UNC13C: variants seen among roughly 807,000 people sequenced by gnomAD.
UNC13C encodes the protein unc-13 homolog C.
UNC13C carries 174 observed loss-of-function variants against 245.4 expected under a neutral mutation model. The ratio of observed to expected loss-of-function variants is 0.71; its 90% confidence interval spans 0.63 to 0.80. The LOEUF (loss-of-function observed/expected upper bound fraction) is 0.80. Among genes scored for constraint, UNC13C ranks in the 30% least tolerant of loss-of-function variants. The probability of loss-of-function intolerance (pLI) is 0.00; values close to 1 mark genes in which losing one functional copy is unlikely to be tolerated. For synonymous variants in UNC13C, 992 were observed against 895.1 expected, an observed-to-expected ratio of 1.11 and a Z score of -1.93; for missense variants, 2,829 against 2,602.9, an observed-to-expected ratio of 1.09 and a Z score of -1.89.
the UNC13C span, among the ~76,000 whole-genome samples, chr15:53,964,070 G>A: frequency 1.3e-5 from 2 of 151,944 alleles, no homozygotes; most frequent in East Asian, 3.9e-4. Context: ...TTTTTTTCCA[G>A]CTTGAAACAT....
chr15:54,462,888 A>T (rs1891933410), intron 19 of UNC13C, among the ~76,000 whole-genome samples: 1 of 152,132 alleles, frequency 6.6e-6, no homozygotes, highest in African/African-American at 2.4e-5. Context: ...CTGGCATGGG[A>T]TCCACAAGAC....
At chr15:53,979,331 C>T (rs12912367) in intron 1 of UNC13C, among the ~76,000 whole-genome samples, 5,201 of 152,304 alleles carry the variant, frequency 0.034, 127 homozygotes, top group Middle Eastern at 0.082. Flanking sequence ...GCCAAGATGT[C>T]ATACACTAGT....
intron 19 of UNC13C, among the ~76,000 whole-genome samples, chr15:54,478,313 T>A (rs12899225): frequency 0.18 from 16,753 of 91,964 alleles, 2,065 homozygotes; most frequent in East Asian, 0.33. Flanking sequence ...TATTTCCTTC[T>A]GTTCTGCTCT....
the UNC13C span, among the ~76,000 whole-genome samples, chr15:53,946,507 G>A: frequency 6.7e-6 from 1 of 149,528 alleles, no homozygotes; most frequent in South Asian, 2.1e-4. Flanking sequence ...GATCACCTGA[G>A]GTCAGGAGTT....
intron 19 of UNC13C, among the ~76,000 whole-genome samples, chr15:54,476,629 C>T (rs183320706): frequency 0.011 from 1,691 of 151,860 alleles, 7 homozygotes; most frequent in Non-Finnish European, 0.019. Context: ...AGATATGCAG[C>T]GTTGTTTCTG....
rs1265130591 is a variant in UNC13C at position 54,181,481 on chromosome 15, TTTTG to T, written c.3071+37805_3071+37808del. On this transcript the variant is annotated intron_variant, in intron 4 of 32. Coordinates refer to ENST00000260323, the MANE Select transcript of UNC13C (RefSeq NM_001080534.3). ...TTTGTTTGTTTTGTTTTGTTTTGTT[TTTTG>T]TTTGTTTTTGTTTTTTCTTCTTAGG... Among the ~76,000 whole-genome samples, 10 of 147,536 alleles carry T rather than the reference TTTTG, an allele frequency of 6.8e-5. No individual in the cohort carries two copies. In the East Asian group the frequency reaches 7.9e-4, roughly 12 times the overall value.
intron 4 of UNC13C, among the ~76,000 whole-genome samples, chr15:54,185,544 T>C (rs1382580078): frequency 6.6e-6 from 1 of 151,054 alleles, no homozygotes; most frequent in Non-Finnish European, 1.5e-5. Flanking sequence ...TCCCCATTGC[T>C]TGTTTTTGTC....
At chr15:54,302,863 T>C (rs1043309132) in intron 13 of UNC13C, among the ~76,000 whole-genome samples, 4 of 152,168 alleles carry the variant, frequency 2.6e-5, no homozygotes, top group African/African-American at 9.7e-5. Flanking sequence ...ATAGATTCAA[T>C]GCTATCAGTG....
the UNC13C span, among the ~76,000 whole-genome samples, chr15:53,841,115 G>C: frequency 1.3e-5 from 2 of 152,002 alleles, no homozygotes; most frequent in African/African-American, 4.8e-5. Context: ...TGTGTGCCAC[G>C]CAATTCATAT....
At chr15:54,125,567 C>T (rs970442109) in intron 2 of UNC13C, among the ~76,000 whole-genome samples, 1 of 152,094 alleles carries the variant, frequency 6.6e-6, no homozygotes, top group African/African-American at 2.4e-5. Flanking sequence ...TTTTCCAATT[C>T]ACAAACGTGG....
chr15:53,860,646 A>G, the UNC13C span, among the ~76,000 whole-genome samples: 1 of 152,158 alleles, frequency 6.6e-6, no homozygotes, highest in Non-Finnish European at 1.5e-5. Flanking sequence ...TCTCCAAGTT[A>G]AACATTCCTA....
chr15:54,408,093 C>T (rs540346149), intron 18 of UNC13C, among the ~76,000 whole-genome samples: 7 of 145,896 alleles, frequency 4.8e-5, no homozygotes, highest in Non-Finnish European at 1.0e-4. Flanking sequence ...CCCAGCTACT[C>T]GGGAGGCTGA....
At chr15:54,393,673 C>T (rs1475019650) in intron 18 of UNC13C, among the ~76,000 whole-genome samples, 1 of 151,810 alleles carries the variant, frequency 6.6e-6, no homozygotes, top group Non-Finnish European at 1.5e-5. Context: ...ATCTAAAGTT[C>T]ATGCCTCTAA....
chr15:54,448,897 T>G (rs1427160751), intron 19 of UNC13C, among the ~76,000 whole-genome samples: 2 of 152,224 alleles, frequency 1.3e-5, no homozygotes, highest in East Asian at 1.9e-4. Context: ...TGACATGTTT[T>G]TGCAGTGGCT....
intron 10 of UNC13C, among the ~76,000 whole-genome samples, chr15:54,281,006 C>T (rs1468651810): frequency 6.6e-6 from 1 of 151,858 alleles, no homozygotes; most frequent in Non-Finnish European, 1.5e-5. Flanking sequence ...CCATGTTGGC[C>T]AGGCTGTTCT....
chr15:54,217,724 G>A (rs963733399), intron 4 of UNC13C, among the ~76,000 whole-genome samples: 3 of 151,862 alleles, frequency 2.0e-5, no homozygotes, highest in Non-Finnish European at 4.4e-5. Context: ...ATTTTCCGCA[G>A]TAGATAGATT....
the UNC13C span, among the ~76,000 whole-genome samples, chr15:53,972,094 A>G: frequency 2.0e-5 from 3 of 152,180 alleles, no homozygotes; most frequent in Non-Finnish European, 4.4e-5. Flanking sequence ...TACTTTATAG[A>G]GCTTTCTCTC....
chr15:54,561,326 C>A (rs1897290913), intron 29 of UNC13C, among the ~76,000 whole-genome samples: 1 of 151,926 alleles, frequency 6.6e-6, no homozygotes, highest in South Asian at 2.1e-4. Context: ...AGAGATGGAA[C>A]AGGTGATCCA....
At chr15:54,614,888 A>G (rs1900329454) in intron 30 of UNC13C, among the ~76,000 whole-genome samples, 1 of 152,018 alleles carries the variant, frequency 6.6e-6, no homozygotes. Context: ...TGTTGTGACT[A>G]ATTTTAAAAA....
Sources: allele counts gnomAD v4.1 joint callset (sites outside exome capture counted in the v4.1 genomes callset), GRCh38; gene constraint gnomAD v4.1.1; transcripts MANE v1.5; gene names NCBI Gene and HGNC (gene_info 2026-07-23, HGNC 2026-07-21).